VWA8: variants seen among roughly 807,000 people sequenced by gnomAD.
VWA8 encodes the protein von Willebrand factor A domain containing 8.
Under a neutral mutation model 241.5 loss-of-function variants are expected in VWA8, and 221 were observed. The observed-to-expected ratio is 0.91, with a 90% CI of 0.82 to 1.02. VWA8 has a LOEUF of 1.02. Ranked by LOEUF, VWA8 falls within the 50% of genes least tolerant of loss-of-function variation. The pLI, the probability that VWA8 is intolerant of heterozygous loss-of-function variation, is 0.00. For synonymous variants in VWA8, 852 were observed against 827.1 expected, an observed-to-expected ratio of 1.03 and a Z score of -0.52; for missense variants, 2,322 against 2,328.7, an observed-to-expected ratio of 1.00 and a Z score of 0.06.
chr13:41,897,886 C>T (rs2324838), intron 4 of VWA8, among the ~76,000 whole-genome samples: 123,599 of 152,074 alleles, frequency 0.81, 51,090 homozygotes, highest in East Asian at 1. Flanking sequence ...TTTTATTCTG[C>T]TAGCTGGCCC....
At chr13:41,778,102 T>C (rs200379192) in intron 19 of VWA8, 46 bp from the exon 20 acceptor site, 4 of 1,430,384 alleles carry the variant, frequency 2.8e-6, no homozygotes, top group African/African-American at 1.4e-5. Flanking sequence ...ACAATCAAGG[T>C]TAAATAAGAA....
chr13:41,894,459 A>C (rs1875003763), intron 4 of VWA8, among the ~76,000 whole-genome samples: 1 of 152,236 alleles, frequency 6.6e-6, no homozygotes, highest in Admixed American at 6.5e-5. Flanking sequence ...ACTTTTCTCC[A>C]CAGTCAAATG....
chr13:41,950,979 T>C (rs750035110), intron 1 of VWA8, among the ~76,000 whole-genome samples: 1 of 152,106 alleles, frequency 6.6e-6, no homozygotes, highest in African/African-American at 2.4e-5. Context: ...CATAGAGTGT[T>C]ACCTTTAACA....
intron 16 of VWA8, among the ~76,000 whole-genome samples, chr13:41,812,867 C>A (rs190166272): frequency 1.6e-3 from 243 of 152,208 alleles, no homozygotes; most frequent in Middle Eastern, 3.4e-3. Flanking sequence ...AGACAATATT[C>A]AAATATAATA....
chr13:41,811,032 G>A (rs1269976587), intron 17 of VWA8, among the ~76,000 whole-genome samples, 193 bp downstream of exon 17: 1 of 151,866 alleles, frequency 6.6e-6, no homozygotes, highest in African/African-American at 2.4e-5. Flanking sequence ...GGTGATGCTG[G>A]GACCAAAAAT....
intron 2 of VWA8, among the ~76,000 whole-genome samples, chr13:41,930,918 A>T (rs1199937283): frequency 6.6e-6 from 1 of 152,146 alleles, no homozygotes; most frequent in Non-Finnish European, 1.5e-5. Flanking sequence ...TGAGAGGCCG[A>T]GGCGGGCGGA....
chr13:41,569,609 T>TAA (rs2139628785), intron 44 of VWA8, among the ~76,000 whole-genome samples: 1 of 150,610 alleles, frequency 6.6e-6, no homozygotes, highest in African/African-American at 2.4e-5. Flanking sequence ...AGGGGTGGAA[T>TAA]AACAAAAACG....
chr13:41,928,000 A>C (rs996459475), intron 2 of VWA8, among the ~76,000 whole-genome samples: 1 of 152,234 alleles, frequency 6.6e-6, no homozygotes, highest in African/African-American at 2.4e-5. Flanking sequence ...CTGTCACAAG[A>C]GACAAAGAAG....
chr13:41,671,937 C>T (rs531888916), intron 36 of VWA8, among the ~76,000 whole-genome samples: 1 of 152,242 alleles, frequency 6.6e-6, no homozygotes, highest in Admixed American at 6.5e-5. Context: ...ATAATGAGCA[C>T]ATTAAAAGAC....
chr13:41,874,179 G>A (rs1377863418), intron 9 of VWA8, among the ~76,000 whole-genome samples: 7 of 150,756 alleles, frequency 4.6e-5, no homozygotes, highest in East Asian at 1.9e-4. Flanking sequence ...TTGATGGGAC[G>A]TATCTCAAAA....
intron 5 of VWA8, 52 bp downstream of exon 5, chr13:41,891,368 A>G: frequency 6.2e-7 from 1 of 1,603,930 alleles, no homozygotes; most frequent in Non-Finnish European, 8.5e-7. Context: ...ATAAAATGGC[A>G]CTGCCCATAG....
At chr13:41,727,057 G>A in intron 24 of VWA8, 137 bp downstream of exon 24, 1 of 712,118 alleles carries the variant, frequency 1.4e-6, no homozygotes, top group Non-Finnish European at 2.2e-6. Context: ...CACTAAAAGG[G>A]GGATAATAAA....
At chr13:41,741,572 T>C (rs1044809631) in intron 21 of VWA8, among the ~76,000 whole-genome samples, 1 of 152,238 alleles carries the variant, frequency 6.6e-6, no homozygotes, top group Non-Finnish European at 1.5e-5. Context: ...CAAGGCATAC[T>C]GTCTATAGAC....
At chr13:41,632,391 C>T (rs12861793) in intron 37 of VWA8, among the ~76,000 whole-genome samples, 4,932 of 152,222 alleles carry the variant, frequency 0.032, 89 homozygotes, top group South Asian at 0.078. Context: ...GCCATTATTA[C>T]CATGACTGTA....
intron 36 of VWA8, among the ~76,000 whole-genome samples, chr13:41,674,318 C>T (rs897349423): frequency 6.6e-6 from 1 of 152,034 alleles, no homozygotes; most frequent in Non-Finnish European, 1.5e-5. Flanking sequence ...TTCTGTTGTC[C>T]CTGGTCTTCC....
chr13:41,834,739 C>T (rs1203803535), intron 12 of VWA8, among the ~76,000 whole-genome samples: 1 of 152,038 alleles, frequency 6.6e-6, no homozygotes, highest in Admixed American at 6.6e-5. Context: ...GAGTATATAC[C>T]CCAAGGGATA....
intron 4 of VWA8, among the ~76,000 whole-genome samples, chr13:41,896,854 A>G (rs1449345472): frequency 6.6e-6 from 1 of 152,214 alleles, no homozygotes; most frequent in Non-Finnish European, 1.5e-5. Flanking sequence ...AAAGATATAT[A>G]AAAATGTAAA....
chr13:41,872,223 T>A (rs567540737), intron 9 of VWA8, among the ~76,000 whole-genome samples: 2 of 152,222 alleles, frequency 1.3e-5, no homozygotes, highest in Non-Finnish European at 1.5e-5. Flanking sequence ...GTCAGATGAA[T>A]AGGTTGTGAA....
At chr13:41,608,708 C>G (rs1247528656) in intron 39 of VWA8, among the ~76,000 whole-genome samples, 1 of 152,160 alleles carries the variant, frequency 6.6e-6, no homozygotes, top group Non-Finnish European at 1.5e-5. Context: ...GGTGCCTACC[C>G]TAGACGCTTT....
Sources: allele counts gnomAD v4.1 joint callset (sites outside exome capture counted in the v4.1 genomes callset), GRCh38; gene constraint gnomAD v4.1.1; transcripts MANE v1.5; gene names NCBI Gene and HGNC (gene_info 2026-07-23, HGNC 2026-07-21).